The following NPHP4 variants were observed in gnomAD, a reference collection of about 807,000 sequenced individuals.
NPHP4 encodes the protein nephrocystin-4.
NPHP4 carries 151 observed loss-of-function variants against 155.8 expected under a neutral mutation model. The observed-to-expected ratio is 0.97, with a 90% CI of 0.85 to 1.11. The LOEUF (loss-of-function observed/expected upper bound fraction) is 1.11, where lower values mean the gene tolerates loss of function less well. Ranked by LOEUF, NPHP4 falls within the 50% of genes least tolerant of loss-of-function variation. The pLI is 0.00. For missense variants in NPHP4, 1,956 were observed against 1,925.7 expected (o/e 1.02, Z -0.29); for synonymous variants, 845 against 816.8 (o/e 1.03, Z -0.59).
intron 17 of NPHP4, chr1:5,888,249 G>C (rs538253450): frequency 1.6e-5 from 13 of 799,950 alleles, no homozygotes; most frequent in South Asian, 5.7e-5. Context: ...CACTCTGCCC[G>C]AACGCCAACA....
At chr1:5,980,444 C>G (rs1488983650) in intron 2 of NPHP4, among the ~76,000 whole-genome samples, 1 of 152,218 alleles carries the variant, frequency 6.6e-6, no homozygotes, top group Admixed American at 6.5e-5. Context: ...CCTCACGGCG[C>G]GAGGAGAAGC....
At chr1:5,934,719 G>C (rs916158783) in intron 9 of NPHP4, among the ~76,000 whole-genome samples, 1 of 152,198 alleles carries the variant, frequency 6.6e-6, no homozygotes, top group Non-Finnish European at 1.5e-5. Flanking sequence ...TGGTCACAGC[G>C]AGGAGGTGGC....
At chr1:5,909,794 G>A (rs926184081) in intron 11 of NPHP4, among the ~76,000 whole-genome samples, 2 of 152,166 alleles carry the variant, frequency 1.3e-5, no homozygotes, top group African/African-American at 2.4e-5. Flanking sequence ...GCCAGGGACT[G>A]AGAACTGCCT....
chr1:5,885,168 C>T lies in NPHP4; in HGVS notation c.2485+2118G>A, dbSNP rs539728692. On this transcript the variant is annotated intron_variant, in intron 18 of 29. Coordinates refer to ENST00000378156, the MANE Select transcript of NPHP4 (RefSeq NM_015102.5). ...CTCCCAGCCGAACCCCCATCCTACT[C>T]GACAACCAAGATCACTGTCCAAGCT... Among the ~76,000 whole-genome samples, 3 of 149,118 alleles carry T rather than the reference C, an allele frequency of 2.0e-5. No individual in the cohort carries two copies. The South Asian group carries it at 6.5e-4, about 32-fold the overall frequency.
intron 10 of NPHP4, among the ~76,000 whole-genome samples, chr1:5,929,399 A>G (rs895007309): frequency 6.6e-6 from 1 of 152,226 alleles, no homozygotes; most frequent in Non-Finnish European, 1.5e-5. Context: ...GAAAGCAATC[A>G]GTCTTTCACC....
At chr1:5,866,167 G>C in intron 26 of NPHP4, 1 of 593,424 alleles carries the variant, frequency 1.7e-6, no homozygotes. Flanking sequence ...AAGTCCCTCA[G>C]GCTGCACGTG....
intron 2 of NPHP4, among the ~76,000 whole-genome samples, chr1:5,980,543 G>A (rs1436668423): frequency 6.6e-6 from 1 of 152,176 alleles, no homozygotes; most frequent in Admixed American, 6.5e-5. Context: ...GAAAATTCCC[G>A]CAGCTGCCAT....
chr1:5,924,283 CTGAA>C (rs573006815), intron 11 of NPHP4, among the ~76,000 whole-genome samples: 1 of 151,914 alleles, frequency 6.6e-6, no homozygotes, highest in Non-Finnish European at 1.5e-5. Context: ...ACTGGGGCCT[CTGAA>C]TGAGAGGATG....
intron 26 of NPHP4, 147 bp downstream of exon 26, chr1:5,866,226 C>G (rs764758947): frequency 4.0e-5 from 28 of 703,612 alleles, no homozygotes; most frequent in Non-Finnish European, 6.8e-5. Context: ...GAACTCGCAG[C>G]AGAATCCCGC....
At chr1:5,896,826 C>T (rs373612069) in intron 16 of NPHP4, among the ~76,000 whole-genome samples, 110 of 152,258 alleles carry the variant, frequency 7.2e-4, no homozygotes, top group Non-Finnish European at 9.3e-4. Flanking sequence ...AGCCTGGAAC[C>T]GGCACTGCTC....
In NPHP4 at chr1:5,933,195, C is replaced by A. The variant is rs376312842; in HGVS notation, c.1254G>T (p.Ser418=). The A allele has an allele frequency of 8.7e-6, 14 of 1,613,600 alleles. No individual in the cohort carries two copies. The highest frequency in any genetic ancestry group is 2.2e-5 in the East Asian group (1 of 44,884). The part of the protein sequence containing the change: ...PLQGGIQPNP[S]HCLVYKVPSA... ...AGGGTACCTTGTAGACCAGACAGTG[C>A]GAGGGGTTGGGCTGGATCCCACCCT... The change falls in exon 10 of 30, where the codon TCG becomes TCT. Residue 418 remains serine (S), a synonymous_variant. Coordinates refer to ENST00000378156, the MANE Select transcript of NPHP4 (RefSeq NM_015102.5).
At chr1:5,914,025 G>A (rs111391841) in intron 11 of NPHP4, among the ~76,000 whole-genome samples, 4 of 151,988 alleles carry the variant, frequency 2.6e-5, no homozygotes, top group Non-Finnish European at 5.9e-5. Context: ...CATCACGCAC[G>A]CGGGCCAGGA....
chr1:5,969,578 C>G (rs1187583826), intron 3 of NPHP4, among the ~76,000 whole-genome samples: 1 of 152,202 alleles, frequency 6.6e-6, no homozygotes, highest in Non-Finnish European at 1.5e-5. Context: ...CCAACAGATC[C>G]CAGGCCCACT....
chr1:5,873,356 A>G (rs753204754), intron 22 of NPHP4, 21 bp from the exon 23 acceptor site: 2 of 1,607,234 alleles, frequency 1.2e-6, no homozygotes, highest in Non-Finnish European at 8.5e-7. Context: ...CGAACAGCAC[A>G]AGCAGGTCAG....
chr1:5,967,307 G>A lies in NPHP4; in HGVS notation c.509C>T (p.Pro170Leu). 5 of 1,603,928 alleles carry A rather than the reference G, an allele frequency of 3.1e-6. No homozygotes were observed. Among genetic ancestry groups the A allele is most frequent in the African/African-American group, 1.3e-5 (1 of 74,942 alleles). The change falls in exon 5 of 30, where the codon CCC (proline) becomes CTC (leucine). Residue 170 changes from proline to leucine, a missense_variant. Coordinates refer to ENST00000378156, the MANE Select transcript of NPHP4 (RefSeq NM_015102.5). ...RALLHPLLQD[P>L]AEQNRHMTLI... is the part of the protein sequence containing the mutation. ...CCAGGTCTGGCTCTTACGCTCTGCG[G>A]GGTCCTGGAGAAGCGGGTGCAGGAG...
chr1:5,973,471 C>T (rs1652959297), intron 3 of NPHP4, among the ~76,000 whole-genome samples: 1 of 152,212 alleles, frequency 6.6e-6, no homozygotes, highest in African/African-American at 2.4e-5. Flanking sequence ...CCTGTAGTCC[C>T]AGCTACTTGG....
chr1:5,888,573 C>T (rs1272163944), intron 17 of NPHP4: 1 of 1,351,324 alleles, frequency 7.4e-7, no homozygotes, highest in East Asian at 4.6e-5. Flanking sequence ...ATTCCGGAAC[C>T]TCAGTCACTG....
chr1:5,961,039 A>G (rs759493642), intron 6 of NPHP4, among the ~76,000 whole-genome samples: 31 of 152,334 alleles, frequency 2.0e-4, no homozygotes, highest in Middle Eastern at 3.4e-3. Context: ...TGGGACACAC[A>G]CTATAACATG....
In NPHP4 at chr1:5,874,610, C is replaced by T. The variant is rs775526590; in HGVS notation, c.3092G>A (p.Gly1031Asp). The T allele has an allele frequency of 6.2e-7, 1 of 1,612,010 alleles. No homozygotes were observed. Among genetic ancestry groups the T allele is most frequent in the South Asian group, 1.1e-5 (1 of 90,602 alleles). The change falls in exon 22 of 30, where the codon GGC (glycine) becomes GAC (aspartate). Residue 1031 changes from glycine (G) to aspartate (D), a missense_variant. By Grantham distance (94) the Gly-to-Asp change is moderately conservative. Transcript: ENST00000378156. The part of the protein sequence containing the change: ...QEWRDFKGAA[G>D]LHTPVEEDMF... Reference sequence around the variant, plus strand: ...GTCCTCCTCCACCGGTGTGTGCAGGCCAGCAGCACCCTTGAAGTCCCTCCA... The same window carrying T: ...GTCCTCCTCCACCGGTGTGTGCAGGTCAGCAGCACCCTTGAAGTCCCTCCA...
Sources: allele counts gnomAD v4.1 joint callset (sites outside exome capture counted in the v4.1 genomes callset), GRCh38; gene constraint gnomAD v4.1.1; transcripts MANE v1.5; gene names NCBI Gene and HGNC (gene_info 2026-07-23, HGNC 2026-07-21).